The following UVRAG variants were observed in gnomAD, a reference collection of about 807,000 sequenced individuals.
UVRAG encodes UV radiation resistance-associated gene protein.
In UVRAG, 19 loss-of-function variants were observed where a neutral mutation model predicts 78.0. That is an observed-to-expected ratio of 0.24 (90% CI 0.17 to 0.36). The LOEUF (loss-of-function observed/expected upper bound fraction) is 0.36, where lower values mean the gene tolerates loss of function less well. UVRAG is among the 10% of genes least tolerant of loss of function. The pLI, the probability that UVRAG is intolerant of heterozygous loss-of-function variation, is 1.00. For missense variants in UVRAG, 740 were observed against 853.8 expected (o/e 0.87, Z 1.66); for synonymous variants, 323 against 324.6 (o/e 1.00, Z 0.05).
At chr11:75,884,091 A>G (rs1023622094) in intron 4 of UVRAG, among the ~76,000 whole-genome samples, 1 of 152,196 alleles carries the variant, frequency 6.6e-6, no homozygotes, top group Non-Finnish European at 1.5e-5. Context: ...CATCTTTGCT[A>G]TCACTTGTGA....
chr11:76,065,848 G>A lies in UVRAG; in HGVS notation c.1305+60G>A, dbSNP rs1471819756. The stretch of plus-strand genomic sequence containing the variant: ...CATGCACAGCCTGTTTCCTTAGATT[G>A]CCAGCCTTTTTTCTTTATAAATATG... On this transcript the variant is annotated intron_variant, in intron 13 of 14. Transcript: ENST00000356136. The A allele has an allele frequency of 6.3e-5, 96 of 1,525,584 alleles. No individual in the cohort carries two copies. The East Asian group carries it at 2.1e-3, about 34-fold the overall frequency. The allele number at this position is 1,525,584 out of a possible 1,614,324, so 94.5% of individuals were successfully genotyped here. A position where few individuals can be genotyped will look rare whatever the true frequency, so the allele number is the denominator to read the frequency against.
rs114678402 is a variant in UVRAG, at chr11:76,009,567, A to G, written c.1060+700A>G. 5.4e-3 allele frequency among the ~76,000 whole-genome samples: 819 copies of G among 152,302 alleles called. 7 individuals carry two copies. The highest frequency in any genetic ancestry group is 0.019 in the African/African-American group (786 of 41,564). ...TAAATATCTTTATAGATTATTCCCA[A>G]GCCAGCGTTTTATCTACTTGAGAAG... On this transcript the variant is annotated intron_variant, in intron 11 of 14. Coordinates refer to ENST00000356136, the MANE Select transcript of UVRAG (RefSeq NM_003369.4).
chr11:75,903,350 T>C lies in UVRAG; in HGVS notation c.508-8604T>C, dbSNP rs140521580. Reference sequence around the variant, plus strand: ...TACTGCCCATAGGTTGTCTTTACATTTTAGCATGGTATTCAAGACTTGCTG... The same window carrying C: ...TACTGCCCATAGGTTGTCTTTACATCTTAGCATGGTATTCAAGACTTGCTG... On this transcript the variant is annotated intron_variant, in intron 5 of 14. Transcript: ENST00000356136. Among the ~76,000 whole-genome samples the C allele has an allele frequency of 1.3e-3, 200 of 152,320 alleles. 1 individual carries two copies. The highest frequency in any genetic ancestry group is 4.7e-3 in the African/African-American group (195 of 41,556).
At chr11:76,081,315 C>T (rs1407667217) in intron 13 of UVRAG, among the ~76,000 whole-genome samples, 1 of 152,086 alleles carries the variant, frequency 6.6e-6, no homozygotes, top group African/African-American at 2.4e-5. Flanking sequence ...AGGCCATTCT[C>T]CTACCTCAGC....
intron 12 of UVRAG, among the ~76,000 whole-genome samples, chr11:76,059,721 A>G (rs1262192023): frequency 2.0e-5 from 3 of 152,204 alleles, no homozygotes; most frequent in African/African-American, 7.2e-5. Context: ...GAAGCACTGC[A>G]TATGTAAAAG....
At chr11:76,123,186 T>C (rs1468968130) in intron 14 of UVRAG, among the ~76,000 whole-genome samples, 1 of 152,148 alleles carries the variant, frequency 6.6e-6, no homozygotes, top group African/African-American at 2.4e-5. Context: ...TAGTGCCTCC[T>C]ACCTTCCTCA....
intron 12 of UVRAG, among the ~76,000 whole-genome samples, chr11:76,063,139 T>C (rs546904314): frequency 2.6e-5 from 4 of 152,248 alleles, no homozygotes; most frequent in Non-Finnish European, 4.4e-5. Context: ...TATTGCGTTC[T>C]GCTAGTAGCA....
chr11:75,872,924 G>A (rs569039725), intron 3 of UVRAG, among the ~76,000 whole-genome samples: 1 of 152,278 alleles, frequency 6.6e-6, no homozygotes, highest in East Asian at 1.9e-4. Context: ...TAATGGTGCT[G>A]GATATTGTAG....
chr11:76,140,112 CCTCTCT>C (rs745755879), intron 14 of UVRAG, among the ~76,000 whole-genome samples: 9 of 11,292 alleles, frequency 8.0e-4, no homozygotes, highest in African/African-American at 1.5e-3. Flanking sequence ...TCCCTCCCTC[CCTCTCT>C]CTCTCTCTCT....
rs546475393 is a variant in UVRAG, at chr11:75,824,393, G to A, written c.117+8869G>A. ...GTTTCTCTTTTTCCTGTGAAAATGA[G>A]TTTTTTTTTTTTTGAAAGGAAAAGC... is the stretch of plus-strand genomic sequence containing the variant. On this transcript the variant is annotated intron_variant, in intron 1 of 14. Coordinates refer to ENST00000356136, the MANE Select transcript of UVRAG (RefSeq NM_003369.4). Among the ~76,000 whole-genome samples, 36 of 144,496 alleles carry A rather than the reference G, an allele frequency of 2.5e-4. 1 individual carries two copies. In the East Asian group the frequency reaches 7.0e-3, roughly 28 times the overall value. The allele number at this position is 144,496 out of a possible 152,430, so 94.8% of individuals were successfully genotyped here. A position where few individuals can be genotyped will look rare whatever the true frequency, so the allele number is the denominator to read the frequency against.
intron 13 of UVRAG, among the ~76,000 whole-genome samples, chr11:76,072,558 C>T (rs1298175711): frequency 1.3e-5 from 2 of 152,020 alleles, no homozygotes; most frequent in African/African-American, 4.8e-5. Flanking sequence ...GGAAAAAGTC[C>T]AGCTCATTAT....
chr11:76,057,708 G>T (rs1459668495), intron 12 of UVRAG, among the ~76,000 whole-genome samples: 2 of 151,178 alleles, frequency 1.3e-5, no homozygotes, highest in African/African-American at 4.9e-5. Flanking sequence ...GCAGAAAAAT[G>T]CAAGATGTTT....
intron 3 of UVRAG, among the ~76,000 whole-genome samples, chr11:75,871,364 G>A (rs768938733): frequency 6.9e-5 from 10 of 144,442 alleles, no homozygotes; most frequent in East Asian, 2.0e-4. Flanking sequence ...TTGGCTCACT[G>A]CAACCTCTGC....
intron 12 of UVRAG, among the ~76,000 whole-genome samples, chr11:76,041,740 G>C (rs534427359): frequency 6.6e-6 from 1 of 152,248 alleles, no homozygotes; most frequent in East Asian, 1.9e-4. Context: ...GCTTAGCCAG[G>C]TTGACACAGT....
rs1287560492 is a variant in UVRAG, at chr11:75,978,865, TTC to T, written c.700-4516_700-4515del. 2.6e-5 allele frequency among the ~76,000 whole-genome samples: 4 copies of T among 152,378 alleles called. No homozygotes were observed. The East Asian group carries it at 7.7e-4, about 29-fold the overall frequency. The stretch of plus-strand genomic sequence containing the variant: ...TTATTACCGATCTTCTGAATCCTTC[TTC>T]TCTCTGCTCGTCAAAGTCTTTCTCC... On this transcript the variant is annotated intron_variant, in intron 7 of 14. Coordinates refer to ENST00000356136, the MANE Select transcript of UVRAG (RefSeq NM_003369.4).
At chr11:75,823,836 G>GT (rs974647014) in intron 1 of UVRAG, among the ~76,000 whole-genome samples, 11 of 152,260 alleles carry the variant, frequency 7.2e-5, no homozygotes, top group Non-Finnish European at 1.3e-4. Context: ...CTCATGTACA[G>GT]TTTTTTTGTT....
chr11:76,095,469 C>T (rs148083049), intron 13 of UVRAG, among the ~76,000 whole-genome samples: 3,526 of 151,670 alleles, frequency 0.023, 80 homozygotes, highest in Non-Finnish European at 0.029. Flanking sequence ...ATTAAATTTA[C>T]ATATGTAAAA....
chr11:75,891,259 C>T lies in UVRAG; in HGVS notation c.507+2356C>T, dbSNP rs536025854. On this transcript the variant is annotated intron_variant, in intron 5 of 14. Coordinates refer to ENST00000356136, the MANE Select transcript of UVRAG (RefSeq NM_003369.4). ...AATATTGAATTCCCAGCACCTGCCACAGTTTTTGGGGTATGCAGTTTGCTT... is the reference window on the plus strand; with the variant it reads ...AATATTGAATTCCCAGCACCTGCCATAGTTTTTGGGGTATGCAGTTTGCTT... 2.0e-5 allele frequency among the ~76,000 whole-genome samples: 3 copies of T among 152,084 alleles called. No individual in the cohort carries two copies. In the South Asian group the frequency reaches 6.2e-4, roughly 31 times the overall value.
intron 2 of UVRAG, among the ~76,000 whole-genome samples, chr11:75,853,998 C>T (rs1946225981): frequency 6.6e-6 from 1 of 151,708 alleles, no homozygotes. Context: ...GTCTTGAACT[C>T]CTGACCTCAG....
Sources: gnomAD v4.1 joint callset for allele counts (sites outside exome capture counted in the v4.1 genomes callset) on GRCh38, gnomAD v4.1.1 for gene constraint, MANE v1.5 for transcripts, NCBI Gene and HGNC (gene_info 2026-07-23, HGNC 2026-07-21) for gene names.